Variants in ERCC6L2 observed in about 807,000 individuals in gnomAD.
The protein encoded by ERCC6L2 is ERCC excision repair 6 like 2.
A neutral mutation model predicts 132.0 loss-of-function variants in ERCC6L2; 77 were observed. The ratio of observed to expected loss-of-function variants is 0.58; its 90% CI spans 0.49 to 0.71. The LOEUF is 0.71. Among genes scored for constraint, ERCC6L2 ranks in the 30% least tolerant of loss-of-function variants. The probability of loss-of-function intolerance (pLI) is 0.00; values close to 1 mark genes in which losing one functional copy is unlikely to be tolerated. For missense variants in ERCC6L2, 1,542 were observed against 1,837.6 expected (o/e 0.84, Z 2.94); for synonymous variants, 583 against 632.4 (o/e 0.92, Z 1.17).
intron 19 of ERCC6L2, among the ~76,000 whole-genome samples, chr9:96,032,605 G>A (rs1000564778): frequency 1.3e-5 from 2 of 152,102 alleles, no homozygotes; most frequent in Non-Finnish European, 2.9e-5. Flanking sequence ...CATCTATCAG[G>A]AATGTCACAC....
chr9:95,907,338 G>GT (rs36115321), intron 4 of ERCC6L2, 67 bp downstream of exon 4: 154,528 of 540,994 alleles, frequency 0.29, 4,059 homozygotes, highest in South Asian at 0.31. Context: ...TATATTAAGA[G>GT]TTTTTTTTTT....
intron 2 of ERCC6L2, among the ~76,000 whole-genome samples, chr9:95,888,471 A>G (rs1464947906): frequency 6.6e-6 from 1 of 152,218 alleles, no homozygotes; most frequent in East Asian, 1.9e-4. Context: ...CTTTTCATCT[A>G]TAAGCAATTT....
intron 2 of ERCC6L2, 80 bp from the exon 3 acceptor site, chr9:95,897,769 T>A (rs536207735): frequency 7.2e-7 from 1 of 1,389,768 alleles, no homozygotes; most frequent in East Asian, 2.3e-5. Flanking sequence ...TTGTCACTAA[T>A]TGAATAGTCA....
intron 19 of ERCC6L2, among the ~76,000 whole-genome samples, chr9:96,030,935 T>C (rs1453459189): frequency 6.6e-6 from 1 of 152,176 alleles, no homozygotes; most frequent in Non-Finnish European, 1.5e-5. Context: ...TTCCCCTCCC[T>C]GGTGCCTCCG....
At chr9:96,037,612 C>T (rs1028739370) in intron 19 of ERCC6L2, among the ~76,000 whole-genome samples, 3 of 152,108 alleles carry the variant, frequency 2.0e-5, no homozygotes, top group Admixed American at 6.6e-5. Flanking sequence ...GAGCCAGGCA[C>T]ATGTCGAGGT....
At position 95,876,003 on chromosome 9, in the gene ERCC6L2, T is replaced by TA. The variant is rs772020691; in HGVS notation, c.-35dup. ...CTGTCCTCCGCCGCCTTCCGGGTGT[T>TA]ACATGCAGCCGGGCTCGGCCCCTCC... On this transcript the variant is annotated 5_prime_UTR_variant, in exon 1 of 19. Transcript: ENST00000653738. 1.9e-6 allele frequency: 3 copies of TA among 1,570,414 alleles called. No homozygotes were observed. The highest frequency in any genetic ancestry group is 1.7e-4 in the Middle Eastern group (1 of 6,026).
chr9:95,969,107 CCGT>C lies in ERCC6L2; in HGVS notation c.2101-1468_2101-1466del, dbSNP rs768236395. 3.4e-4 allele frequency among the ~76,000 whole-genome samples: 51 copies of C among 152,060 alleles called. 1 individual carries two copies. Among genetic ancestry groups the C allele is most frequent in the Admixed American group, 7.9e-4 (12 of 15,246 alleles). ...AGAGGTCCTGAGGGAGGAACATGCC[CCGT>C]GTGATCTCCAATGTCAGGGAGGCCA... On this transcript the variant is annotated intron_variant, in intron 14 of 18. Transcript: ENST00000653738.
chr9:95,940,781 T>A (rs981155629), intron 11 of ERCC6L2, among the ~76,000 whole-genome samples: 6 of 152,206 alleles, frequency 3.9e-5, no homozygotes. Context: ...ATTTAAATCC[T>A]GTTGGTTGGT....
At chr9:95,953,284 A>G (rs551265442) in intron 12 of ERCC6L2, among the ~76,000 whole-genome samples, 3 of 152,194 alleles carry the variant, frequency 2.0e-5, no homozygotes, top group Non-Finnish European at 4.4e-5. Flanking sequence ...GCTATTTAGA[A>G]ACAACAATGA....
chr9:95,997,518 G>C (rs138069209), intron 17 of ERCC6L2, among the ~76,000 whole-genome samples: 57 of 152,338 alleles, frequency 3.7e-4, no homozygotes, highest in African/African-American at 1.3e-3. Context: ...AAAGAATTTA[G>C]AATGTTACAT....
chr9:95,938,729 T>C lies in ERCC6L2; in HGVS notation c.1752-2725T>C, dbSNP rs150811498. On this transcript the variant is annotated intron_variant, in intron 11 of 18. Transcript: ENST00000653738. ...GTGTCATCATATTTAAAGTGTTTTG[T>C]TTTGTTTTTTGTGGAGAGCATATTG... Among the ~76,000 whole-genome samples, 737 of 152,294 alleles carry C rather than the reference T, an allele frequency of 4.8e-3. 7 individuals carry two copies. Among genetic ancestry groups the C allele is most frequent in the African/African-American group, 0.016 (661 of 41,570 alleles).
intron 6 of ERCC6L2, among the ~76,000 whole-genome samples, chr9:95,919,247 G>C (rs1367498663): frequency 6.6e-6 from 1 of 152,140 alleles, no homozygotes; most frequent in East Asian, 1.9e-4. Flanking sequence ...AGACATTACT[G>C]TATTTGCTTG....
intron 3 of ERCC6L2, chr9:95,906,528 G>T (rs950423139): frequency 2.5e-6 from 1 of 407,382 alleles, no homozygotes; most frequent in African/African-American, 2.1e-5. Context: ...ATAGGTTATT[G>T]ATAGGATACT....
intron 17 of ERCC6L2, among the ~76,000 whole-genome samples, chr9:96,001,718 G>A (rs1321729009): frequency 4.6e-5 from 7 of 152,258 alleles, no homozygotes; most frequent in Non-Finnish European, 1.0e-4. Context: ...CCGTGTGCTC[G>A]CATTCCTCAG....
intron 18 of ERCC6L2, among the ~76,000 whole-genome samples, chr9:96,009,186 C>T (rs968628734): frequency 6.6e-6 from 1 of 152,214 alleles, no homozygotes; most frequent in Non-Finnish European, 1.5e-5. Flanking sequence ...ATGCTGCATA[C>T]GCATCTTGAG....
intron 19 of ERCC6L2, among the ~76,000 whole-genome samples, chr9:96,028,960 A>AT (rs1834417234): frequency 6.6e-6 from 1 of 152,200 alleles, no homozygotes; most frequent in Admixed American, 6.5e-5. Context: ...CACAATTTGA[A>AT]TTCATTCATA....
chr9:95,951,487 C>T (rs958375212), intron 12 of ERCC6L2, among the ~76,000 whole-genome samples: 17 of 151,996 alleles, frequency 1.1e-4, no homozygotes, highest in Admixed American at 9.2e-4. Context: ...AATAGAAAAA[C>T]GACAGAGGCA....
chr9:95,996,034 T>C (rs1833461203), intron 17 of ERCC6L2, among the ~76,000 whole-genome samples: 1 of 152,222 alleles, frequency 6.6e-6, no homozygotes, highest in Admixed American at 6.5e-5. Flanking sequence ...GACGCTTCAT[T>C]AGAAAGGCAT....
At chr9:96,023,968 ATGGGTATTT>A (rs1279987360) in intron 19 of ERCC6L2, among the ~76,000 whole-genome samples, 3 of 152,142 alleles carry the variant, frequency 2.0e-5, no homozygotes, top group African/African-American at 7.2e-5. Context: ...CTTCCTCATG[ATGGGTATTT>A]CTCTTTTTCT....
Sources: gnomAD v4.1 joint callset for allele counts (sites outside exome capture counted in the v4.1 genomes callset) on GRCh38, gnomAD v4.1.1 for gene constraint, MANE v1.5 for transcripts, NCBI Gene and HGNC (gene_info 2026-07-23, HGNC 2026-07-21) for gene names.